OR5P3: variants seen among roughly 807,000 people sequenced by gnomAD.
OR5P3 encodes olfactory receptor 5P3.
For missense variants in OR5P3, 415 were observed against 375.6 expected (o/e 1.10, Z -0.87); for synonymous variants, 172 against 141.8 (o/e 1.21, Z -1.51).
chr11:7,829,775 C>T (rs1564833683), intron 1 of OR5P3, among the ~76,000 whole-genome samples: 2 of 151,856 alleles, frequency 1.3e-5, no homozygotes, highest in Non-Finnish European at 2.9e-5. Context: ...AAAAGAGAAG[C>T]AAAAGTGTTT....
intron 1 of OR5P3, among the ~76,000 whole-genome samples, chr11:7,827,371 G>A (rs150023086): frequency 4.6e-5 from 7 of 152,266 alleles, no homozygotes; most frequent in African/African-American, 1.4e-4. Flanking sequence ...TTTGAGGCAG[G>A]TGATAGTCTC....
At chr11:7,828,570 C>G (rs1159170628) in intron 1 of OR5P3, among the ~76,000 whole-genome samples, 3 of 152,098 alleles carry the variant, frequency 2.0e-5, no homozygotes, top group African/African-American at 7.2e-5. Flanking sequence ...CTCAGCTGAC[C>G]TGGAGTGACT....
intron 1 of OR5P3, among the ~76,000 whole-genome samples, chr11:7,829,647 T>C (rs569649879): frequency 6.6e-6 from 1 of 152,344 alleles, no homozygotes; most frequent in East Asian, 1.9e-4. Flanking sequence ...CACATCCATA[T>C]GAAGATAATG....
intron 1 of OR5P3, among the ~76,000 whole-genome samples, chr11:7,828,681 T>C (rs1857773807): frequency 6.6e-6 from 1 of 152,058 alleles, no homozygotes. Flanking sequence ...AATCAAAGGG[T>C]CAAAAATCCT....
chr11:7,825,746 G>A lies in OR5P3; in HGVS notation c.227C>T (p.Ser76Leu). Residue 76 changes from serine (S) to leucine (L), a missense_variant, in exon 2 of 2, where the codon TCA becomes TTA. Ser to Leu is a moderately radical substitution (Grantham distance 145). Transcript: ENST00000641167. ...GCTCATGAGCATGACAGGTGTGACT[G>A]ATGAGGAGTACCCAATGTCTACAAA... is the stretch of plus-strand genomic sequence containing the variant. ...LAFVDIGYSS[S>L]VTPVMLMSFL... is the part of the protein sequence containing the mutation. 6.2e-7 allele frequency: 1 copy of A among 1,613,246 alleles called. No individual in the cohort carries two copies.
chr11:7,829,777 A>G (rs1343702201), intron 1 of OR5P3, among the ~76,000 whole-genome samples: 3 of 152,188 alleles, frequency 2.0e-5, no homozygotes, highest in Admixed American at 1.3e-4. Flanking sequence ...AAGAGAAGCA[A>G]AAGTGTTTTT....
At chr11:7,830,803 A>G (rs750102473) in intron 1 of OR5P3, 21 bp downstream of exon 1, 7 of 152,214 alleles carry the variant, frequency 4.6e-5, no homozygotes, top group Non-Finnish European at 7.3e-5. Flanking sequence ...TCCTGTATCA[A>G]TAGAAAAGGG....
chr11:7,829,948 A>C (rs559626282), intron 1 of OR5P3, among the ~76,000 whole-genome samples: 1 of 152,276 alleles, frequency 6.6e-6, no homozygotes, highest in African/African-American at 2.4e-5. Flanking sequence ...ATCTTCTTCT[A>C]TGGAAGAAAA....
chr11:7,825,072 G>A lies in OR5P3; in HGVS notation c.901C>T (p.Leu301=). The change falls in exon 2 of 2, where the codon CTG becomes TTG. Residue 301 remains leucine (L), a synonymous_variant. Coordinates refer to ENST00000641167, the MANE Select transcript of OR5P3 (RefSeq NM_153445.2). ...ATTTTTATTCTAAGCTCTCTCTTCA[G>A]AGCCCCCTTAATCTCCTTGTTCCTG... The part of the protein sequence containing the change: ...SLRNKEIKGA[L]KRELRIKIFS The A allele has an allele frequency of 6.2e-7, 1 of 1,614,012 alleles. No individual in the cohort carries two copies. Among genetic ancestry groups the A allele is most frequent in the Non-Finnish European group, 8.5e-7 (1 of 1,180,024 alleles).
chr11:7,829,944 T>C (rs905509779), intron 1 of OR5P3, among the ~76,000 whole-genome samples: 1 of 152,318 alleles, frequency 6.6e-6, no homozygotes, highest in Non-Finnish European at 1.5e-5. Context: ...TGATATCTTC[T>C]TCTATGGAAG....
chr11:7,829,198 A>G (rs1021429716), intron 1 of OR5P3, among the ~76,000 whole-genome samples: 2 of 152,206 alleles, frequency 1.3e-5, no homozygotes, highest in African/African-American at 2.4e-5. Flanking sequence ...ACCAAAGGGC[A>G]TCAGCAAGAT....
Position 7,825,071 on chromosome 11 carries a change from A to G in OR5P3, c.902T>C (p.Leu301Pro). 4 of 1,614,098 alleles carry G rather than the reference A, an allele frequency of 2.5e-6. No individual in the cohort carries two copies. The highest frequency in any genetic ancestry group is 3.4e-6 in the Non-Finnish European group (4 of 1,180,026). The change falls in exon 2 of 2, where the codon CTG (leucine) becomes CCG (proline). Residue 301 changes from leucine (L) to proline (P), a missense_variant. Coordinates refer to ENST00000641167, the MANE Select transcript of OR5P3 (RefSeq NM_153445.2). ...TATTTTTATTCTAAGCTCTCTCTTC[A>G]GAGCCCCCTTAATCTCCTTGTTCCT... ...SLRNKEIKGA[L>P]KRELRIKIFS
At position 7,825,330 on chromosome 11, in the gene OR5P3, C is replaced by T; in HGVS notation, c.643G>A (p.Ala215Thr). 1 of 1,613,148 alleles carries T rather than the reference C, an allele frequency of 6.2e-7. No homozygotes were observed. The highest frequency in any genetic ancestry group is 8.5e-7 in the Non-Finnish European group (1 of 1,180,032). Residue 215 changes from alanine (A) to threonine (T), a missense_variant, in exon 2 of 2, where the codon GCC becomes ACC. Coordinates refer to ENST00000641167, the MANE Select transcript of OR5P3 (RefSeq NM_153445.2). ...ATGAGGATATAGATGTAGGATATGG[C>T]TATGACACACACAGTGGCCACAATG... The part of the protein sequence containing the change: ...SIIVATVCVI[A>T]ISYIYILITI...
chr11:7,829,887 G>A (rs1165563125), intron 1 of OR5P3, among the ~76,000 whole-genome samples: 3 of 152,036 alleles, frequency 2.0e-5, no homozygotes, highest in East Asian at 3.9e-4. Context: ...AGATAAAAGA[G>A]GGAATTTTTA....
Position 7,830,587 on chromosome 11 carries a change from G to A in OR5P3, c.-22+237C>T, listed in dbSNP as rs184969723. ...TCAGCTTTGTCACCAGCAATCTATGGAATCTTGGAAATTTTACATAAACTG... is the reference window on the plus strand; with the variant it reads ...TCAGCTTTGTCACCAGCAATCTATGAAATCTTGGAAATTTTACATAAACTG... On this transcript the variant is annotated intron_variant, in intron 1 of 1. Coordinates refer to ENST00000641167, the MANE Select transcript of OR5P3 (RefSeq NM_153445.2). 4.1e-3 allele frequency among the ~76,000 whole-genome samples: 631 copies of A among 152,234 alleles called. 6 individuals carry two copies. The highest frequency in any genetic ancestry group is 4.6e-3 in the Non-Finnish European group (311 of 68,018).
chr11:7,826,513 G>A (rs938848993), intron 1 of OR5P3, among the ~76,000 whole-genome samples: 1 of 152,228 alleles, frequency 6.6e-6, no homozygotes, highest in Non-Finnish European at 1.5e-5. Flanking sequence ...GAAGAGGTCA[G>A]TAACTCAACA....
intron 1 of OR5P3, among the ~76,000 whole-genome samples, chr11:7,826,949 A>AGAAAATG (rs1340827568): frequency 6.6e-6 from 1 of 152,210 alleles, no homozygotes; most frequent in African/African-American, 2.4e-5. Context: ...AGAAAAATCA[A>AGAAAATG]GAAAATGCAA....
rs1414771965 is a variant in OR5P3 at position 7,825,138 on chromosome 11, T to C, written c.835A>G (p.Thr279Ala). 1 of 1,613,574 alleles carries C rather than the reference T, an allele frequency of 6.2e-7. No homozygotes were observed. ...DQNKVVSVFY[T>A]VVIPMLNPLI... ...GGGTTCAACATGGGAATCACCACGG[T>C]GTAGAACACAGACACCACCTTGTTC... Residue 279 changes from threonine (T) to alanine (A), a missense_variant, in exon 2 of 2, where the codon ACC becomes GCC. Transcript: ENST00000641167.
intron 1 of OR5P3, among the ~76,000 whole-genome samples, chr11:7,829,833 G>C (rs1199369263): frequency 6.6e-6 from 1 of 152,042 alleles, no homozygotes; most frequent in Non-Finnish European, 1.5e-5. Flanking sequence ...GAATATGAAA[G>C]GCAGACCATA....
Sources: gnomAD v4.1 joint callset for allele counts (sites outside exome capture counted in the v4.1 genomes callset) on GRCh38, gnomAD v4.1.1 for gene constraint, MANE v1.5 for transcripts, NCBI Gene and HGNC (gene_info 2026-07-23, HGNC 2026-07-21) for gene names.